DLG2: variants seen among roughly 807,000 people sequenced by gnomAD.
The protein encoded by DLG2 is discs large MAGUK scaffold protein 2.
DLG2 carries 45 observed loss-of-function variants against 132.5 expected under a neutral mutation model. The observed-to-expected ratio is 0.34, with a 90% CI of 0.27 to 0.44. The LOEUF is 0.44. Ranked by LOEUF, DLG2 falls within the 20% of genes least tolerant of loss-of-function variation. The pLI is 1.00. For missense variants in DLG2, 1,045 were observed against 1,196.9 expected, an observed-to-expected ratio of 0.87 and a Z score of 1.87; for synonymous variants, 424 against 419.6, an observed-to-expected ratio of 1.01 and a Z score of -0.13.
chr11:84,598,671 A>C (rs1190580687), intron 6 of DLG2, among the ~76,000 whole-genome samples: 1 of 152,044 alleles, frequency 6.6e-6, no homozygotes, highest in Non-Finnish European at 1.5e-5. Context: ...CATGCCTGTA[A>C]TCCCAGCACT....
chr11:85,079,506 G>A (rs2066975773), intron 6 of DLG2, among the ~76,000 whole-genome samples: 1 of 116,386 alleles, frequency 8.6e-6, no homozygotes, highest in African/African-American at 3.3e-5. Flanking sequence ...TTTTTTTTTG[G>A]TTTACCTTAT....
chr11:84,406,004 G>A (rs1184644602), intron 7 of DLG2, among the ~76,000 whole-genome samples: 2 of 152,008 alleles, frequency 1.3e-5, no homozygotes, highest in East Asian at 3.9e-4. Flanking sequence ...CCCCCTTCTT[G>A]GTCACAGTTT....
chr11:84,311,955 G>A (rs765070936), intron 7 of DLG2, among the ~76,000 whole-genome samples: 5 of 152,098 alleles, frequency 3.3e-5, no homozygotes, highest in Non-Finnish European at 7.4e-5. Context: ...TTCCGTCAAA[G>A]TATCACTACC....
At chr11:85,466,302 C>A (rs2092788146) in intron 3 of DLG2, among the ~76,000 whole-genome samples, 1 of 152,138 alleles carries the variant, frequency 6.6e-6, no homozygotes, top group Admixed American at 6.5e-5. Context: ...TGTGCAGAAG[C>A]TCTTTAGTTT....
At position 84,501,875 on chromosome 11, in the gene DLG2, AT is replaced by A. The variant is rs916148406; in HGVS notation, c.519+32694del. Reference sequence around the variant, plus strand: ...AAAACCATGTGAATAAGGGTAGAGGATTTTTTTTTAAGCTTTAAATATACTG... The same window carrying A: ...AAAACCATGTGAATAAGGGTAGAGGATTTTTTTTAAGCTTTAAATATACTG... On this transcript the variant is annotated intron_variant, in intron 7 of 27. Coordinates refer to ENST00000376104, the MANE Select transcript of DLG2 (RefSeq NM_001142699.3). 3.8e-4 allele frequency among the ~76,000 whole-genome samples: 58 copies of A among 151,534 alleles called. No individual in the cohort carries two copies. In the South Asian group the frequency reaches 4.8e-3, roughly 13 times the overall value.
At chr11:85,442,389 C>G (rs1239263603) in intron 3 of DLG2, among the ~76,000 whole-genome samples, 1 of 152,054 alleles carries the variant, frequency 6.6e-6, no homozygotes, top group East Asian at 1.9e-4. Context: ...TAAATATGGT[C>G]AAGTTATATT....
chr11:84,226,766 A>C (rs868598180), intron 8 of DLG2, among the ~76,000 whole-genome samples: 2 of 152,298 alleles, frequency 1.3e-5, no homozygotes, highest in African/African-American at 4.8e-5. Flanking sequence ...TATATAAACA[A>C]ATATGATGTG....
chr11:84,870,822 G>T (rs530681430), intron 6 of DLG2, among the ~76,000 whole-genome samples: 1 of 152,144 alleles, frequency 6.6e-6, no homozygotes, highest in Non-Finnish European at 1.5e-5. Flanking sequence ...TCTTTCAGGG[G>T]AAGACATGCC....
At chr11:84,764,834 C>T (rs527777856) in intron 6 of DLG2, among the ~76,000 whole-genome samples, 2 of 152,100 alleles carry the variant, frequency 1.3e-5, no homozygotes, top group South Asian at 4.1e-4. Flanking sequence ...GAAGGTGCTA[C>T]AAGCAGCTTA....
chr11:85,453,197 C>A, intron 3 of DLG2: 2 of 365,298 alleles, frequency 5.5e-6, no homozygotes, highest in South Asian at 6.2e-5. Flanking sequence ...CACCAAAGGC[C>A]AAGAGGGAGA....
intron 7 of DLG2, among the ~76,000 whole-genome samples, chr11:84,332,374 G>A (rs1305531267): frequency 6.6e-6 from 1 of 151,820 alleles, no homozygotes; most frequent in Non-Finnish European, 1.5e-5. Flanking sequence ...ACCACGCCCG[G>A]CTAATTTTTG....
chr11:85,041,169 G>A (rs530390962), intron 6 of DLG2, among the ~76,000 whole-genome samples: 7 of 151,796 alleles, frequency 4.6e-5, no homozygotes, highest in East Asian at 1.9e-4. Context: ...ATATCTTTAC[G>A]AAGAACTTGG....
intron 15 of DLG2, among the ~76,000 whole-genome samples, chr11:83,906,232 GTCTCTCTC>G (rs144862801): frequency 1.4e-5 from 1 of 71,596 alleles, no homozygotes; most frequent in Non-Finnish European, 3.1e-5. Context: ...TATAGTAGAT[GTCTCTCTC>G]TCTCTCTCTC....
intron 17 of DLG2, among the ~76,000 whole-genome samples, chr11:83,826,734 CT>C (rs1410148238): frequency 2.0e-5 from 3 of 152,136 alleles, no homozygotes; most frequent in Non-Finnish European, 4.4e-5. Context: ...TTTCTGAAAC[CT>C]TACTGATACT....
At chr11:84,185,785 T>C (rs35932053) in intron 8 of DLG2, among the ~76,000 whole-genome samples, 9,860 of 152,148 alleles carry the variant, frequency 0.065, 396 homozygotes, top group African/African-American at 0.1. Context: ...GCATGAAGGG[T>C]TGTTGAATTT....
chr11:85,395,743 GT>G (rs2087284337), intron 3 of DLG2, among the ~76,000 whole-genome samples: 1 of 152,082 alleles, frequency 6.6e-6, no homozygotes, highest in Non-Finnish European at 1.5e-5. Context: ...AGCTCACAGT[GT>G]AAACAAAGAG....
chr11:85,068,961 G>C (rs1418651790), intron 6 of DLG2, among the ~76,000 whole-genome samples: 3 of 151,924 alleles, frequency 2.0e-5, no homozygotes, highest in South Asian at 4.2e-4. Context: ...GAGATACAGA[G>C]CAATGGAACA....
intron 5 of DLG2, among the ~76,000 whole-genome samples, chr11:85,154,135 GAA>G (rs34094958): frequency 0.061 from 3,529 of 57,456 alleles, 32 homozygotes; most frequent in East Asian, 0.13. Flanking sequence ...TTCTTTTGGA[GAA>G]AAAAAAAAAA....
intron 6 of DLG2, among the ~76,000 whole-genome samples, chr11:84,707,983 C>A (rs975315982): frequency 9.9e-5 from 15 of 151,770 alleles, no homozygotes; most frequent in African/African-American, 3.4e-4. Flanking sequence ...GAGTCAGAAA[C>A]CTGGGCTTAA....
Sources: gnomAD v4.1 joint callset for allele counts (sites outside exome capture counted in the v4.1 genomes callset) on GRCh38, gnomAD v4.1.1 for gene constraint, MANE v1.5 for transcripts, NCBI Gene and HGNC (gene_info 2026-07-23, HGNC 2026-07-21) for gene names.